GHR: variants seen among roughly 807,000 people sequenced by gnomAD.
GHR encodes the protein GH receptor.
Under a neutral mutation model 67.1 loss-of-function variants are expected in GHR, and 35 were observed. The ratio of observed to expected loss-of-function variants is 0.52; its 90% CI spans 0.40 to 0.69. GHR has a LOEUF of 0.69. Among genes scored for constraint, GHR ranks in the 30% least tolerant of loss-of-function variants. GHR has a pLI of 0.00. For synonymous variants in GHR, 272 were observed against 269.1 expected, an observed-to-expected ratio of 1.01 and a Z score of -0.10; for missense variants, 792 against 764.6, an observed-to-expected ratio of 1.04 and a Z score of -0.42.
intron 3 of GHR, among the ~76,000 whole-genome samples, chr5:42,684,353 T>C (rs1234568244): frequency 6.6e-6 from 1 of 152,218 alleles, no homozygotes; most frequent in African/African-American, 2.4e-5. Context: ...GCATTTCCTT[T>C]TCTTATTTCT....
chr5:42,673,354 T>C lies in GHR; in HGVS notation c.137-15536T>C, dbSNP rs188532618. On this transcript the variant is annotated intron_variant, in intron 3 of 9. Transcript: ENST00000230882. ...GCCACTGTGAAAAGCAGTTTGGAGA[T>C]TTCTCAAAGAACTTGAAACAGAGTT... Among the ~76,000 whole-genome samples the C allele has an allele frequency of 3.2e-3, 493 of 152,244 alleles. 1 individual carries two copies. The highest frequency in any genetic ancestry group is 5.0e-3 in the Non-Finnish European group (340 of 68,014).
intron 2 of GHR, among the ~76,000 whole-genome samples, chr5:42,575,484 T>C (rs1412600669): frequency 6.6e-6 from 1 of 151,840 alleles, no homozygotes; most frequent in East Asian, 1.9e-4. Flanking sequence ...CAGACAAGGA[T>C]ACAATATCAA....
At position 42,710,507 on chromosome 5, in the gene GHR, C is replaced by T. The variant is rs180809186; in HGVS notation, c.619-700C>T. Among the ~76,000 whole-genome samples the T allele has an allele frequency of 2.4e-3, 362 of 152,040 alleles. 3 individuals are homozygous for T. The highest frequency in any genetic ancestry group is 6.6e-4 in the Non-Finnish European group (45 of 67,984). On this transcript the variant is annotated intron_variant, in intron 6 of 9. Coordinates refer to ENST00000230882, the MANE Select transcript of GHR (RefSeq NM_000163.5). ...CTAACAGTCTCACTCTACCCCTCCC[C>T]GAGAAGGTAAAGGAATATCCTGACC...
chr5:42,432,421 C>T (rs1026352173), intron 1 of GHR, among the ~76,000 whole-genome samples: 1 of 152,114 alleles, frequency 6.6e-6, no homozygotes, highest in Admixed American at 6.5e-5. Flanking sequence ...GGTGAGAAAC[C>T]TCAGTCAGAC....
chr5:42,495,075 A>T (rs551636292), intron 1 of GHR, among the ~76,000 whole-genome samples: 584 of 6,764 alleles, frequency 0.086, 14 homozygotes, highest in Admixed American at 0.18. Context: ...GCCAATTCCC[A>T]CGCCCCCCCC....
At chr5:42,582,894 G>T (rs961170618) in intron 2 of GHR, among the ~76,000 whole-genome samples, 3 of 152,222 alleles carry the variant, frequency 2.0e-5, no homozygotes, top group Non-Finnish European at 2.9e-5. Flanking sequence ...ACGGCAGCTG[G>T]TGTACCTGGC....
chr5:42,456,571 AAC>A (rs1175078652), intron 1 of GHR, among the ~76,000 whole-genome samples: 1 of 152,208 alleles, frequency 6.6e-6, no homozygotes, highest in Admixed American at 6.5e-5. Context: ...AATATTAGGC[AAC>A]AGTTGGGCTT....
intron 4 of GHR, among the ~76,000 whole-genome samples, chr5:42,689,625 C>G (rs1487792109): frequency 6.6e-6 from 1 of 152,042 alleles, no homozygotes; most frequent in Non-Finnish European, 1.5e-5. Context: ...GTCCCTGAGG[C>G]AGTCTTGGCA....
rs1480247793 is a variant in GHR, at chr5:42,720,810, C to T, written c.*1386C>T. On this transcript the variant is annotated 3_prime_UTR_variant, in exon 10 of 10. Transcript: ENST00000230882. ...AAAGAAGAAGTTTCATCATTTTTTA[C>T]TTCCTCTCTGAGTGGACTGGCCTCA... 2 of 152,202 alleles carry T rather than the reference C, an allele frequency of 1.3e-5. No individual in the cohort carries two copies. Among genetic ancestry groups the T allele is most frequent in the African/African-American group, 4.8e-5 (2 of 41,460 alleles). The allele number at this position is 152,202 out of a possible 1,614,324, so 9.4% of individuals were successfully genotyped here.
chr5:42,528,821 A>G (rs1357029624), intron 1 of GHR, among the ~76,000 whole-genome samples: 2 of 152,298 alleles, frequency 1.3e-5, no homozygotes, highest in East Asian at 3.9e-4. Flanking sequence ...AACCACCACC[A>G]TGATCACTCA....
intron 2 of GHR, among the ~76,000 whole-genome samples, chr5:42,587,482 C>CCTCT (rs985035239): frequency 1.5e-4 from 23 of 152,056 alleles, no homozygotes; most frequent in Non-Finnish European, 2.8e-4. Flanking sequence ...CTCCCAAGAC[C>CCTCT]AGAGGGTCAG....
At chr5:42,678,596 G>C (rs756801769) in intron 3 of GHR, among the ~76,000 whole-genome samples, 2 of 152,164 alleles carry the variant, frequency 1.3e-5, no homozygotes, top group African/African-American at 2.4e-5. Flanking sequence ...AATTTCAGGA[G>C]TAACTTTCAG....
intron 4 of GHR, among the ~76,000 whole-genome samples, chr5:42,693,141 A>AT (rs1757499672): frequency 2.2e-5 from 2 of 91,930 alleles, no homozygotes; most frequent in African/African-American, 6.0e-5. Context: ...AGCATATGCA[A>AT]CTTTTTTTTT....
intron 1 of GHR, among the ~76,000 whole-genome samples, chr5:42,429,287 A>G (rs1179566820): frequency 6.6e-6 from 1 of 152,216 alleles, no homozygotes; most frequent in Non-Finnish European, 1.5e-5. Context: ...TCGCAAGAAC[A>G]GCATGGGAAA....
intron 2 of GHR, among the ~76,000 whole-genome samples, chr5:42,622,644 T>C (rs1753506677): frequency 6.6e-6 from 1 of 152,186 alleles, no homozygotes; most frequent in African/African-American, 2.4e-5. Flanking sequence ...ATTGTATAGC[T>C]TGGTTGCTGT....
At chr5:42,610,291 C>G (rs1479864684) in intron 2 of GHR, among the ~76,000 whole-genome samples, 2 of 152,132 alleles carry the variant, frequency 1.3e-5, no homozygotes, top group African/African-American at 4.8e-5. Flanking sequence ...GTGAACCCCT[C>G]TAAGTCCTTG....
intron 2 of GHR, among the ~76,000 whole-genome samples, chr5:42,600,731 T>C (rs1457443001): frequency 1.3e-5 from 2 of 152,110 alleles, no homozygotes; most frequent in Admixed American, 6.5e-5. Flanking sequence ...CCTAAACTCT[T>C]TGGACTGATT....
chr5:42,713,283 A>G, intron 7 of GHR, 146 bp from the exon 8 acceptor site: 1 of 613,894 alleles, frequency 1.6e-6, no homozygotes, highest in Admixed American at 2.6e-5. Context: ...AAGTCGTTGC[A>G]TTCTGTTTCA....
chr5:42,608,848 A>G (rs929444865), intron 2 of GHR, among the ~76,000 whole-genome samples: 1 of 152,118 alleles, frequency 6.6e-6, no homozygotes, highest in African/African-American at 2.4e-5. Flanking sequence ...TACAAAGCAA[A>G]GGGATTTTTT....
Sources: gnomAD v4.1 joint callset for allele counts (sites outside exome capture counted in the v4.1 genomes callset) on GRCh38, gnomAD v4.1.1 for gene constraint, MANE v1.5 for transcripts, NCBI Gene and HGNC (gene_info 2026-07-23, HGNC 2026-07-21) for gene names.